The following ATM variants were observed in gnomAD, a reference collection of about 807,000 sequenced individuals.
ATM encodes the protein serine-protein kinase ATM.
In ATM, 308 loss-of-function variants were observed where a neutral mutation model predicts 387.0. The ratio of observed to expected loss-of-function variants is 0.80; its 90% CI spans 0.73 to 0.87. The LOEUF is 0.87. Ranked by LOEUF, ATM falls within the 40% of genes least tolerant of loss-of-function variation. The pLI is 0.00. For synonymous variants in ATM, 1,156 were observed against 1,187.3 expected, an observed-to-expected ratio of 0.97 and a Z score of 0.54; for missense variants, 3,312 against 3,560.9, an observed-to-expected ratio of 0.93 and a Z score of 1.78.
At chr11:108,330,111 TA>T in intron 49 of ATM, 102 bp from the exon 50 acceptor site, 1 of 1,372,282 alleles carries the variant, frequency 7.3e-7, no homozygotes, top group Non-Finnish European at 1.0e-6. Context: ...TTCCCTGGGA[TA>T]AAAACCCAAC....
At chr11:108,239,545 C>A (rs1357842969) in intron 5 of ATM, among the ~76,000 whole-genome samples, 1 of 152,132 alleles carries the variant, frequency 6.6e-6, no homozygotes, top group African/African-American at 2.4e-5. Context: ...TTCATTCGTC[C>A]ATTGGTGGAC....
chr11:108,266,475 T>G (rs1410597221), intron 16 of ATM, among the ~76,000 whole-genome samples: 45 of 117,636 alleles, frequency 3.8e-4, no homozygotes, highest in Non-Finnish European at 1.3e-4. Context: ...TCACACTCTG[T>G]GGACTGTTGT....
At position 108,366,713 on chromosome 11, in the gene ATM, C is replaced by G. The variant is rs1045548215; in HGVS notation, c.*1205C>G. Reference sequence around the variant, plus strand: ...AATACTGATAGGAGATTTCCCAGGCCAAGGCAAACACACTTCCTCCTCATC... The same window carrying G: ...AATACTGATAGGAGATTTCCCAGGCGAAGGCAAACACACTTCCTCCTCATC... On this transcript the variant is annotated 3_prime_UTR_variant, in exon 63 of 63. Coordinates refer to ENST00000675843, the MANE Select transcript of ATM (RefSeq NM_000051.4). The G allele has an allele frequency of 1.3e-5, 3 of 231,078 alleles. No homozygotes were observed. Among genetic ancestry groups the G allele is most frequent in the Admixed American group, 1.1e-4 (2 of 17,698 alleles). The allele number at this position is 231,078 out of a possible 1,614,324, so 14.3% of individuals were successfully genotyped here.
chr11:108,302,131 A>T (rs563452244), intron 35 of ATM, among the ~76,000 whole-genome samples: 1 of 152,246 alleles, frequency 6.6e-6, no homozygotes, highest in South Asian at 2.1e-4. Context: ...ATTGTGATCC[A>T]CAAGTGTTTA....
chr11:108,340,343 G>A (rs1048694319), intron 56 of ATM: 2 of 152,112 alleles, frequency 1.3e-5, no homozygotes, highest in African/African-American at 2.4e-5. Context: ...CATTTCATCT[G>A]TAAACATTTC....
chr11:108,357,295 C>T (rs1036632808), intron 61 of ATM, among the ~76,000 whole-genome samples: 8 of 152,202 alleles, frequency 5.3e-5, no homozygotes, highest in African/African-American at 1.2e-4. Flanking sequence ...GAGGGTCCTA[C>T]GCCCACGGAG....
At chr11:108,275,734 G>GT (rs2081908548) in intron 22 of ATM, among the ~76,000 whole-genome samples, 1 of 152,224 alleles carries the variant, frequency 6.6e-6, no homozygotes, top group Non-Finnish European at 1.5e-5. Flanking sequence ...GAGATCTGCT[G>GT]TTAAGTCTGA....
At chr11:108,339,957 A>G (rs765720760) in intron 56 of ATM, among the ~76,000 whole-genome samples, 1 of 152,182 alleles carries the variant, frequency 6.6e-6, no homozygotes, top group Non-Finnish European at 1.5e-5. Flanking sequence ...AATAAATGTG[A>G]ATTTATATAC....
rs1462204058 is a variant in ATM at position 108,261,087 on chromosome 11, G to T, written c.2466+2012G>T. Among the ~76,000 whole-genome samples, 3 of 152,350 alleles carry T rather than the reference G, an allele frequency of 2.0e-5. No individual in the cohort carries two copies. The East Asian group carries it at 5.8e-4, about 29-fold the overall frequency. The stretch of plus-strand genomic sequence containing the variant: ...GGGATGCCTGCCATTGCCCAGGCTT[G>T]ATTAGGTAAACAAAGCAGCCGGGAA... On this transcript the variant is annotated intron_variant, in intron 16 of 62. Coordinates refer to ENST00000675843, the MANE Select transcript of ATM (RefSeq NM_000051.4).
chr11:108,360,728 C>CT (rs1234697345), intron 61 of ATM, among the ~76,000 whole-genome samples: 5 of 139,742 alleles, frequency 3.6e-5, no homozygotes, highest in Non-Finnish European at 7.7e-5. Flanking sequence ...CAGAAAAAGC[C>CT]TTTGACAAAA....
At chr11:108,333,663 C>T in intron 53 of ATM, among the ~76,000 whole-genome samples, 1 of 152,150 alleles carries the variant, frequency 6.6e-6, no homozygotes, top group East Asian at 1.9e-4. Context: ...TCTAGTTACC[C>T]TTGTCAGGTA....
rs1467954363 is a variant in ATM at position 108,361,595 on chromosome 11, CAG to C, written c.8851-3483_8851-3482del. ...AAACAACATGGTACTGGTACCAAAACAGAGATATAGATCAATGGAACAGAACA... is the reference window on the plus strand; with the variant it reads ...AAACAACATGGTACTGGTACCAAAACAGATATAGATCAATGGAACAGAACA... On this transcript the variant is annotated intron_variant, in intron 61 of 62. Coordinates refer to ENST00000675843, the MANE Select transcript of ATM (RefSeq NM_000051.4). Among the ~76,000 whole-genome samples, 4 of 151,954 alleles carry C rather than the reference CAG, an allele frequency of 2.6e-5. 1 individual carries two copies. In the South Asian group the frequency reaches 6.3e-4, roughly 24 times the overall value.
intron 1 of ATM, 147 bp from the exon 2 acceptor site, chr11:108,227,448 C>T (rs2078795044): frequency 3.7e-6 from 2 of 545,568 alleles, no homozygotes; most frequent in Admixed American, 6.6e-5. Context: ...GTGCCTTTGA[C>T]CAGAATGTGC....
chr11:108,266,646 ATAAT>A (rs953250442), intron 16 of ATM, among the ~76,000 whole-genome samples: 18 of 152,130 alleles, frequency 1.2e-4, no homozygotes, highest in African/African-American at 4.3e-4. Context: ...AAAAAAAATA[ATAAT>A]TTTTAAAGTT....
In ATM at chr11:108,242,165, T is replaced by C. The variant is rs77141407; in HGVS notation, c.497-1788T>C. On this transcript the variant is annotated intron_variant, in intron 5 of 62. Transcript: ENST00000675843. ...AAAAGAGGACCAAAGTTACTGATAT[T>C]AGAAATGAAATGAGATCTAATTGCA... 4.1e-3 allele frequency among the ~76,000 whole-genome samples: 628 copies of C among 152,156 alleles called. 3 individuals are homozygous for C. Among genetic ancestry groups the C allele is most frequent in the African/African-American group, 0.014 (585 of 41,528 alleles).
intron 14 of ATM, 150 bp from the exon 15 acceptor site, chr11:108,257,329 CTA>C: frequency 3.3e-6 from 3 of 921,668 alleles, no homozygotes; most frequent in Non-Finnish European, 4.8e-6. Flanking sequence ...TACTGTATGA[CTA>C]CGTGGAACTT....
At chr11:108,252,107 A>T (rs1308054940) in intron 11 of ATM, 76 bp downstream of exon 11, 3 of 1,291,926 alleles carry the variant, frequency 2.3e-6, no homozygotes, top group Non-Finnish European at 3.3e-6. Flanking sequence ...TTGATGCCAG[A>T]TGGCTTTATT....
At chr11:108,334,077 A>G (rs1591186010) in intron 54 of ATM, 109 bp downstream of exon 54, 3 of 826,000 alleles carry the variant, frequency 3.6e-6, no homozygotes, top group Admixed American at 3.9e-5. Flanking sequence ...ATATTGGCAA[A>G]TTTCATATGT....
At chr11:108,337,105 T>A (rs1200748261) in intron 56 of ATM, among the ~76,000 whole-genome samples, 4 of 152,180 alleles carry the variant, frequency 2.6e-5, no homozygotes, top group African/African-American at 7.2e-5. Context: ...ATAAATTAGA[T>A]CTACCCTCCA....
Sources: allele counts gnomAD v4.1 joint callset (sites outside exome capture counted in the v4.1 genomes callset), GRCh38; gene constraint gnomAD v4.1.1; transcripts MANE v1.5; gene names NCBI Gene and HGNC (gene_info 2026-07-23, HGNC 2026-07-21).